ATP6V0A2: variants seen among roughly 807,000 people sequenced by gnomAD.
ATP6V0A2 encodes the protein ATPase H+ transporting V0 subunit a2, also known as V-type proton ATPase 116 kDa subunit a 2.
A neutral mutation model predicts 104.4 loss-of-function variants in ATP6V0A2; 58 were observed. That is an observed-to-expected ratio of 0.56 (90% CI 0.45 to 0.69). The LOEUF (loss-of-function observed/expected upper bound fraction) is 0.69. ATP6V0A2 is among the 30% of genes least tolerant of loss of function. The probability of loss-of-function intolerance (pLI) is 0.00; values close to 1 mark genes in which losing one functional copy is unlikely to be tolerated. For synonymous variants in ATP6V0A2, 376 were observed against 397.9 expected, an observed-to-expected ratio of 0.95 and a Z score of 0.65; for missense variants, 938 against 1,062.9, an observed-to-expected ratio of 0.88 and a Z score of 1.63.
chr12:123,757,422 C>T (rs1291752685), intron 19 of ATP6V0A2, among the ~76,000 whole-genome samples: 1 of 151,406 alleles, frequency 6.6e-6, no homozygotes, highest in Non-Finnish European at 1.5e-5. Context: ...GCCTGGGGGA[C>T]GAGCGAAACT....
At chr12:123,715,999 A>G (rs1285980580) in intron 1 of ATP6V0A2, among the ~76,000 whole-genome samples, 2 of 152,096 alleles carry the variant, frequency 1.3e-5, no homozygotes, top group African/African-American at 4.8e-5. Flanking sequence ...CCCAGACTAG[A>G]TCATTTTGAA....
intron 7 of ATP6V0A2, 139 bp downstream of exon 7, chr12:123,734,147 T>A: frequency 1.5e-6 from 1 of 651,226 alleles, no homozygotes; most frequent in African/African-American, 1.8e-5. Context: ...TGCCAAGTTC[T>A]TAAACATTTA....
chr12:123,723,888 G>T (rs1382636614), intron 3 of ATP6V0A2: 2 of 152,140 alleles, frequency 1.3e-5, no homozygotes, highest in Non-Finnish European at 2.9e-5. Flanking sequence ...AAAAGGAAAT[G>T]TAGACTTAAA....
chr12:123,716,580 C>T, intron 1 of ATP6V0A2, among the ~76,000 whole-genome samples: 1 of 151,922 alleles, frequency 6.6e-6, no homozygotes, highest in Non-Finnish European at 1.5e-5. Context: ...CACTTGAGCC[C>T]ACCAGTTTGA....
At position 123,748,907 on chromosome 12, in the gene ATP6V0A2, A is replaced by G. The variant is rs1956688480; in HGVS notation, c.1935+122A>G. On this transcript the variant is annotated intron_variant, in intron 15 of 19. Coordinates refer to ENST00000330342, the MANE Select transcript of ATP6V0A2 (RefSeq NM_012463.4). ...CTGGGAAGGCTGCTTCTGTCTCTGCATGTGTCATCACTGGAGGATGCCAGT... is the reference window on the plus strand; with the variant it reads ...CTGGGAAGGCTGCTTCTGTCTCTGCGTGTGTCATCACTGGAGGATGCCAGT... 4 of 973,282 alleles carry G rather than the reference A, an allele frequency of 4.1e-6. No individual in the cohort carries two copies. The East Asian group carries it at 7.5e-5, about 18-fold the overall frequency. The allele number at this position is 973,282 out of a possible 1,614,324, so 60.3% of individuals were successfully genotyped here. A position where few individuals can be genotyped will look rare whatever the true frequency, so the allele number is the denominator to read the frequency against.
At chr12:123,728,556 C>T (rs1383527806) in intron 6 of ATP6V0A2, among the ~76,000 whole-genome samples, 2 of 17,784 alleles carry the variant, frequency 1.1e-4, no homozygotes, top group East Asian at 0.083. Context: ...CTCTGATCTC[C>T]TTCATTCTGG....
At chr12:123,747,578 C>A (rs763897978) in intron 13 of ATP6V0A2, 29 bp from the exon 14 acceptor site, 1 of 1,432,536 alleles carries the variant, frequency 7.0e-7, no homozygotes, top group East Asian at 2.3e-5. Context: ...GTTAAAGATT[C>A]TGTTTTGTCT....
chr12:123,713,925 A>G (rs1471855262), intron 1 of ATP6V0A2, among the ~76,000 whole-genome samples: 1 of 152,214 alleles, frequency 6.6e-6, no homozygotes, highest in Non-Finnish European at 1.5e-5. Flanking sequence ...TTGCAAAGTC[A>G]TGGAGAGACT....
In ATP6V0A2 at chr12:123,747,718, A is replaced by G. The variant is rs1289324244; in HGVS notation, c.1717A>G (p.Asn573Asp). ...MTFGVILGIF[N>D]HLHFRKKFNI... ...TTTTGGAGTCATTCTGGGAATATTT[A>G]ACCACTTGTAAGTACAGATTTTTTT... The change falls in exon 14 of 20, where the codon AAC (asparagine) becomes GAC (aspartate). Residue 573 changes from asparagine to aspartate, a missense_variant. Transcript: ENST00000330342. The G allele has an allele frequency of 1.3e-6, 2 of 1,581,264 alleles. No individual in the cohort carries two copies. The highest frequency in any genetic ancestry group is 2.7e-5 in the African/African-American group (2 of 74,174).
rs1451532170 is a variant in ATP6V0A2, at chr12:123,712,677, C to A, written c.112C>A (p.Arg38=). The change falls in exon 1 of 20, where the codon CGA becomes AGA. Residue 38 remains arginine, a synonymous_variant. Coordinates refer to ENST00000330342, the MANE Select transcript of ATP6V0A2 (RefSeq NM_012463.4). ...GGGCGAGAAAGGCCTGGTCCAGTTC[C>A]GAGACGTGAGTGTCGCCCGGGAGAC... ...ALGEKGLVQF[R]DLNQNVSSFQ... 6.2e-7 allele frequency: 1 copy of A among 1,609,476 alleles called. No homozygotes were observed. The highest frequency in any genetic ancestry group is 1.1e-5 in the South Asian group (1 of 90,536).
chr12:123,718,323 C>G (rs985107036), intron 1 of ATP6V0A2, among the ~76,000 whole-genome samples: 5 of 152,066 alleles, frequency 3.3e-5, no homozygotes, highest in Non-Finnish European at 7.4e-5. Flanking sequence ...CTCCCGACCT[C>G]AAGTGATCTG....
chr12:123,750,799 T>G, intron 15 of ATP6V0A2: 1 of 385,838 alleles, frequency 2.6e-6, no homozygotes, highest in East Asian at 6.2e-5. Flanking sequence ...TGCTTATACT[T>G]TCTCATTTAC....
At chr12:123,747,827 C>A in intron 14 of ATP6V0A2, 102 bp downstream of exon 14, 1 of 748,442 alleles carries the variant, frequency 1.3e-6, no homozygotes, top group Non-Finnish European at 2.4e-6. Context: ...AAGGGGCAGC[C>A]AATATGATGT....
At chr12:123,755,205 C>T (rs1488312333) in intron 18 of ATP6V0A2, among the ~76,000 whole-genome samples, 2 of 152,064 alleles carry the variant, frequency 1.3e-5, no homozygotes, top group African/African-American at 4.8e-5. Context: ...AAGGTTTGTG[C>T]AAAGGGTGCA....
Position 123,712,573 on chromosome 12 carries a change from C to G in ATP6V0A2, c.8C>G (p.Ser3Cys). 6.3e-7 allele frequency: 1 copy of G among 1,592,164 alleles called. No homozygotes were observed. Among genetic ancestry groups the G allele is most frequent in the Non-Finnish European group, 8.5e-7 (1 of 1,172,034 alleles). The change falls in exon 1 of 20, where the codon TCC (serine) becomes TGC (cysteine). Residue 3 changes from serine to cysteine, a missense_variant. Physicochemically the swap from Ser to Cys is moderately radical, Grantham distance 112 (BLOSUM62 -1). Coordinates refer to ENST00000330342, the MANE Select transcript of ATP6V0A2 (RefSeq NM_012463.4). MG[S>C]LFRSETMCLA... ...GGCGCGGGTCGGCCCGCCATGGGGT[C>G]CCTGTTCCGGAGCGAGACCATGTGC...
At chr12:123,721,644 AG>A (rs1163158761) in intron 2 of ATP6V0A2, 2 of 212,344 alleles carry the variant, frequency 9.4e-6, no homozygotes, top group African/African-American at 2.3e-5. Flanking sequence ...GCCCATTTCT[AG>A]GGCTGCCCTG....
chr12:123,738,890 A>G (rs1956582204), intron 9 of ATP6V0A2: 1 of 152,244 alleles, frequency 6.6e-6, no homozygotes, highest in South Asian at 2.1e-4. Context: ...TATAATGTCC[A>G]TTATGACATA....
At chr12:123,734,038 A>G in intron 7 of ATP6V0A2, 30 bp downstream of exon 7, 2 of 1,543,448 alleles carry the variant, frequency 1.3e-6, no homozygotes, top group African/African-American at 1.4e-5. Context: ...CATTTCATTT[A>G]TGTCTTTATA....
intron 15 of ATP6V0A2, 136 bp downstream of exon 15, chr12:123,748,921 G>A (rs767038863): frequency 1.1e-6 from 1 of 876,868 alleles, no homozygotes; most frequent in Non-Finnish European, 1.9e-6. Context: ...GTCATCACTG[G>A]AGGATGCCAG....
Sources: gnomAD v4.1 joint callset for allele counts (sites outside exome capture counted in the v4.1 genomes callset) on GRCh38, gnomAD v4.1.1 for gene constraint, MANE v1.5 for transcripts, NCBI Gene and HGNC (gene_info 2026-07-23, HGNC 2026-07-21) for gene names.